The following MPPED2 variants were observed in gnomAD, a reference collection of about 807,000 sequenced individuals.
MPPED2 encodes the protein metallophosphoesterase domain containing 2.
In MPPED2, 5 loss-of-function variants were observed where a neutral mutation model predicts 33.0. That is an observed-to-expected ratio of 0.15 (90% CI 0.08 to 0.32). The LOEUF is 0.32. Among genes scored for constraint, MPPED2 ranks in the 10% least tolerant of loss-of-function variants. The pLI, the probability that MPPED2 is intolerant of heterozygous loss-of-function variation, is 1.00. For missense variants in MPPED2, 275 were observed against 372.1 expected, an observed-to-expected ratio of 0.74 and a Z score of 2.15; for synonymous variants, 136 against 141.9, an observed-to-expected ratio of 0.96 and a Z score of 0.29.
chr11:30,397,524 C>T (rs1053871206), intron 6 of MPPED2, among the ~76,000 whole-genome samples: 3 of 152,082 alleles, frequency 2.0e-5, no homozygotes, highest in South Asian at 2.1e-4. Flanking sequence ...CTAAGTTCAT[C>T]GGATTGTTCT....
At position 30,447,179 on chromosome 11, in the gene MPPED2, T is replaced by C. The variant is rs929084746; in HGVS notation, c.537-29546A>G. Among the ~76,000 whole-genome samples the C allele has an allele frequency of 2.0e-5, 3 of 152,192 alleles. No individual in the cohort carries two copies. The South Asian group carries it at 6.2e-4, about 32-fold the overall frequency. ...CAGTGCCTGGCATTCAAGTCCTATC[T>C]GTATGTGACAGATTCCACTGGACCA... On this transcript the variant is annotated intron_variant, in intron 4 of 6. Transcript: ENST00000358117.
chr11:30,453,677 G>C (rs1310235666), intron 4 of MPPED2, among the ~76,000 whole-genome samples: 1 of 152,180 alleles, frequency 6.6e-6, no homozygotes, highest in East Asian at 1.9e-4. Flanking sequence ...TCTACAGTTT[G>C]TTCTGTGATT....
At chr11:30,514,343 A>G (rs949519226) in intron 3 of MPPED2, among the ~76,000 whole-genome samples, 4 of 152,206 alleles carry the variant, frequency 2.6e-5, no homozygotes, top group Non-Finnish European at 4.4e-5. Flanking sequence ...TGTTTTTCCA[A>G]TGAACACTGT....
intron 4 of MPPED2, among the ~76,000 whole-genome samples, chr11:30,490,981 AGCGG>A (rs1329482411): frequency 6.6e-6 from 1 of 152,224 alleles, no homozygotes; most frequent in Non-Finnish European, 1.5e-5. Context: ...TAAAACCACT[AGCGG>A]TATCAGCAAT....
chr11:30,384,496 C>G (rs1184280770), exon 7 of MPPED2: 1 of 135,396 alleles, frequency 7.4e-6, no homozygotes, highest in Non-Finnish European at 1.5e-5. Flanking sequence ...TTTTTTTAGA[C>G]AGAGTCTCGC....
At chr11:30,585,140 A>G (rs953664027) in intron 1 of MPPED2, among the ~76,000 whole-genome samples, 1 of 152,148 alleles carries the variant, frequency 6.6e-6, no homozygotes, top group Non-Finnish European at 1.5e-5. Context: ...CGGAATTCAA[A>G]GGCTTTACAA....
chr11:30,401,831 C>A (rs887306492), intron 6 of MPPED2, among the ~76,000 whole-genome samples: 2 of 149,638 alleles, frequency 1.3e-5, no homozygotes, highest in Non-Finnish European at 3.0e-5. Context: ...ACTACAGGCA[C>A]CCGCTACCAT....
intron 3 of MPPED2, among the ~76,000 whole-genome samples, chr11:30,515,465 G>C (rs1289111105): frequency 2.0e-5 from 3 of 152,154 alleles, no homozygotes. Context: ...CTGATGGGCA[G>C]TCAGGCTTAG....
chr11:30,521,931 G>A (rs1340661495), intron 3 of MPPED2, among the ~76,000 whole-genome samples: 1 of 152,098 alleles, frequency 6.6e-6, no homozygotes, highest in East Asian at 1.9e-4. Context: ...TTGCTGGGCG[G>A]GCTGAATGAG....
In MPPED2 at chr11:30,411,321, A is replaced by C; in HGVS notation, c.*147T>G. On this transcript the variant is annotated 3_prime_UTR_variant, in exon 7 of 7. Transcript: ENST00000358117. The stretch of plus-strand genomic sequence containing the variant: ...CCCATTTAAAATAAAATAAAATAAG[A>C]AGCACAACCTCTAGCATCATTTGTG... The C allele has an allele frequency of 5.5e-6, 7 of 1,283,638 alleles. No homozygotes were observed. Among genetic ancestry groups the C allele is most frequent in the Non-Finnish European group, 7.0e-6 (7 of 1,005,706 alleles). 79.5% of individuals were successfully genotyped at this position (1,283,638 alleles called of 1,614,324 possible). A position where few individuals can be genotyped will look rare whatever the true frequency, so the allele number is the denominator to read the frequency against.
At chr11:30,501,628 A>T (rs949230770) in intron 3 of MPPED2, 1 of 980,662 alleles carries the variant, frequency 1.0e-6, no homozygotes, top group African/African-American at 1.7e-5. Context: ...GATAGCATCC[A>T]GACTGTTTCT....
intron 2 of MPPED2, among the ~76,000 whole-genome samples, chr11:30,538,360 A>G (rs515621): frequency 0.37 from 55,803 of 151,926 alleles, 10,692 homozygotes; most frequent in African/African-American, 0.48. Context: ...CATTATTTTG[A>G]ATTAGACTGA....
In MPPED2 at chr11:30,586,112, C is replaced by A. The variant is rs1957459256; in HGVS notation, c.-192G>T. 1 of 152,304 alleles carries A rather than the reference C, an allele frequency of 6.6e-6. No individual in the cohort carries two copies. The highest frequency in any genetic ancestry group is 1.5e-5 in the Non-Finnish European group (1 of 68,186). 9.4% of individuals were successfully genotyped at this position (152,304 alleles called of 1,614,324 possible). On this transcript the variant is annotated 5_prime_UTR_variant, in exon 1 of 7. Transcript: ENST00000358117. This position sits in a 1 kb window ranked among gnomAD's most constrained non-coding sequence, Gnocchi z 4.8. ...GGCGAGCAGGCGATCCATAGCCGAG[C>A]GGCCCGAGCCGGCTGGAGGAGCGCT...
intron 4 of MPPED2, among the ~76,000 whole-genome samples, chr11:30,462,356 AAG>A (rs376257407): frequency 8.5e-4 from 130 of 152,320 alleles, no homozygotes; most frequent in African/African-American, 3.0e-3. Context: ...CACAGCTGGA[AAG>A]AGAGCAAAAA....
rs10835671 is a variant in MPPED2 at position 30,472,338 on chromosome 11, G to A, written c.536+22958C>T. Among the ~76,000 whole-genome samples the A allele has an allele frequency of 5.6e-3, 845 of 151,580 alleles. 20 individuals carry two copies. The East Asian group carries it at 0.06, about 11-fold the overall frequency. On this transcript the variant is annotated intron_variant, in intron 4 of 6. Coordinates refer to ENST00000358117, the MANE Select transcript of MPPED2 (RefSeq NM_001584.3). ...GTGGTGCCATAGCGCTCCAGCCTAG[G>A]CAACAGAACAAGGGCCTGTCTCGAA... is the stretch of plus-strand genomic sequence containing the variant.
chr11:30,437,428 A>G (rs545498122), intron 4 of MPPED2, among the ~76,000 whole-genome samples: 1 of 152,066 alleles, frequency 6.6e-6, no homozygotes, highest in South Asian at 2.1e-4. Flanking sequence ...GAAAGCTTCT[A>G]TTTTCCCCAT....
intron 4 of MPPED2, among the ~76,000 whole-genome samples, chr11:30,475,941 T>A (rs1451548694): frequency 6.6e-6 from 1 of 152,100 alleles, no homozygotes; most frequent in Non-Finnish European, 1.5e-5. Flanking sequence ...GCCATTCTAT[T>A]GTGTGTGCAG....
At chr11:30,540,030 T>C (rs572283227) in intron 2 of MPPED2, among the ~76,000 whole-genome samples, 2 of 152,324 alleles carry the variant, frequency 1.3e-5, no homozygotes, top group South Asian at 4.1e-4. Context: ...AAGTTCTGTT[T>C]CAGATTCTGT....
chr11:30,415,137 C>T (rs978579887), intron 5 of MPPED2, among the ~76,000 whole-genome samples: 3 of 152,158 alleles, frequency 2.0e-5, no homozygotes, highest in Non-Finnish European at 2.9e-5. Flanking sequence ...CATTCCACAG[C>T]GCCATTAGGT....
Sources: allele counts gnomAD v4.1 joint callset (sites outside exome capture counted in the v4.1 genomes callset), GRCh38; gene constraint gnomAD v4.1.1; non-coding constraint Gnocchi (gnomAD v3.1); transcripts MANE v1.5; gene names NCBI Gene and HGNC (gene_info 2026-07-23, HGNC 2026-07-21).